Variants in CSMD1 observed in about 807,000 individuals in gnomAD.
CSMD1 encodes the protein CUB and Sushi multiple domains 1.
Under a neutral mutation model 417.5 loss-of-function variants are expected in CSMD1, and 213 were observed. That is an observed-to-expected ratio of 0.51 (90% CI 0.46 to 0.57). CSMD1 has a LOEUF of 0.57. Among genes scored for constraint, CSMD1 ranks in the 20% least tolerant of loss-of-function variants. The probability of loss-of-function intolerance (pLI) is 0.00; values close to 1 mark genes in which losing one functional copy is unlikely to be tolerated. For missense variants in CSMD1, 6,923 were observed against 4,529.7 expected, an observed-to-expected ratio of 1.53 and a Z score of -15.17; for synonymous variants, 2,862 against 1,736.8, an observed-to-expected ratio of 1.65 and a Z score of -16.11.
At chr8:3,659,402 G>A (rs890050864) in intron 7 of CSMD1, among the ~76,000 whole-genome samples, 7 of 152,124 alleles carry the variant, frequency 4.6e-5, no homozygotes, top group Admixed American at 3.9e-4. Context: ...ACAGGTAACG[G>A]GTCTCAGTGT....
intron 1 of CSMD1, among the ~76,000 whole-genome samples, chr8:4,705,642 G>A (rs1327849306): frequency 2.6e-5 from 4 of 152,158 alleles, no homozygotes; most frequent in South Asian, 2.1e-4. Flanking sequence ...CATGAACGAA[G>A]CTCTTCTTTC....
At chr8:4,342,738 C>T (rs1377181933) in intron 3 of CSMD1, among the ~76,000 whole-genome samples, 1 of 152,020 alleles carries the variant, frequency 6.6e-6, no homozygotes, top group Non-Finnish European at 1.5e-5. Flanking sequence ...CCGCAGTAGA[C>T]AGGCTTGCAG....
intron 2 of CSMD1, among the ~76,000 whole-genome samples, chr8:4,587,162 G>T (rs985996763): frequency 6.6e-6 from 1 of 152,082 alleles, no homozygotes; most frequent in Non-Finnish European, 1.5e-5. Flanking sequence ...CCCATCGTGA[G>T]CCAACCAGCT....
rs191890612 is a variant in CSMD1, at chr8:4,617,458, C to T, written c.302+19884G>A. On this transcript the variant is annotated intron_variant, in intron 2 of 69. Transcript: ENST00000635120. ...GACTGATATTTTGGTAAGGCAAATG[C>T]CTTGCCAGAAACAGAAAGGTAAACA... is the stretch of plus-strand genomic sequence containing the variant. Among the ~76,000 whole-genome samples, 25 of 152,196 alleles carry T rather than the reference C, an allele frequency of 1.6e-4. 1 individual carries two copies. In the East Asian group the frequency reaches 4.8e-3, roughly 29 times the overall value.
At chr8:4,319,065 T>G (rs973826979) in intron 3 of CSMD1, among the ~76,000 whole-genome samples, 3 of 152,202 alleles carry the variant, frequency 2.0e-5, no homozygotes, top group Non-Finnish European at 2.9e-5. Flanking sequence ...AAACATCTTT[T>G]ACTTCATTAG....
chr8:3,878,562 G>T (rs1011408756), intron 5 of CSMD1, among the ~76,000 whole-genome samples: 2 of 152,088 alleles, frequency 1.3e-5, no homozygotes, highest in African/African-American at 4.8e-5. Flanking sequence ...AGGAAGTATA[G>T]AAAAAATTGC....
At chr8:4,139,458 G>C (rs1007207694) in intron 3 of CSMD1, among the ~76,000 whole-genome samples, 1 of 144,450 alleles carries the variant, frequency 6.9e-6, no homozygotes, top group Non-Finnish European at 1.5e-5. Flanking sequence ...CTGCCCTGGA[G>C]GCGTGGACAG....
At position 4,678,578 on chromosome 8, in the gene CSMD1, A is replaced by G. The variant is rs140815437; in HGVS notation, c.86-41020T>C. Among the ~76,000 whole-genome samples, 462 of 152,344 alleles carry G rather than the reference A, an allele frequency of 3.0e-3. 2 individuals are homozygous for G. The highest frequency in any genetic ancestry group is 9.7e-3 in the African/African-American group (404 of 41,572). Reference sequence around the variant, plus strand: ...TTTGATGGAATCTAACATTATATTCAGAAATTAAGTGAAGAAATAAATTAC... The same window carrying G: ...TTTGATGGAATCTAACATTATATTCGGAAATTAAGTGAAGAAATAAATTAC... On this transcript the variant is annotated intron_variant, in intron 1 of 69. Transcript: ENST00000635120.
chr8:3,014,641 A>G (rs192259720), intron 52 of CSMD1, among the ~76,000 whole-genome samples: 10 of 152,286 alleles, frequency 6.6e-5, no homozygotes, highest in African/African-American at 2.4e-4. Context: ...TCTGATTTTA[A>G]AAACGTCCCG....
chr8:4,754,285 T>C (rs1425616594), intron 1 of CSMD1, among the ~76,000 whole-genome samples: 1 of 152,074 alleles, frequency 6.6e-6, no homozygotes. Flanking sequence ...TTGCCAGAAA[T>C]TGCACTGTTA....
chr8:4,933,876 G>A (rs1807421160), intron 1 of CSMD1, among the ~76,000 whole-genome samples: 1 of 152,166 alleles, frequency 6.6e-6, no homozygotes, highest in Admixed American at 6.5e-5. Context: ...TTGAGGCAGA[G>A]AAGCATCATT....
chr8:4,689,619 G>A (rs1473122093), intron 1 of CSMD1, among the ~76,000 whole-genome samples: 1 of 152,126 alleles, frequency 6.6e-6, no homozygotes, highest in East Asian at 1.9e-4. Context: ...TAGTTCAGAG[G>A]ACAGAAAAGG....
chr8:3,607,630 G>T (rs1801682494), intron 8 of CSMD1, among the ~76,000 whole-genome samples: 1 of 152,076 alleles, frequency 6.6e-6, no homozygotes. Flanking sequence ...AAATCTTAAG[G>T]GAAAACCATC....
intron 3 of CSMD1, among the ~76,000 whole-genome samples, chr8:4,321,426 T>C (rs545514402): frequency 2.0e-5 from 3 of 152,282 alleles, no homozygotes; most frequent in South Asian, 2.1e-4. Flanking sequence ...CTCCCACTTA[T>C]TGACTTGTGA....
At chr8:4,782,734 A>C (rs1035495101) in intron 1 of CSMD1, among the ~76,000 whole-genome samples, 1 of 152,162 alleles carries the variant, frequency 6.6e-6, no homozygotes, top group African/African-American at 2.4e-5. Flanking sequence ...AAAAAATGAA[A>C]ATACATGAAT....
At chr8:4,976,381 A>G (rs977145164) in intron 1 of CSMD1, among the ~76,000 whole-genome samples, 1 of 152,228 alleles carries the variant, frequency 6.6e-6, no homozygotes, top group South Asian at 2.1e-4. Flanking sequence ...CTATTTACAT[A>G]CTACATTAAA....
intron 1 of CSMD1, among the ~76,000 whole-genome samples, chr8:4,991,594 G>C (rs1049222065): frequency 6.6e-6 from 1 of 152,142 alleles, no homozygotes; most frequent in African/African-American, 2.4e-5. Flanking sequence ...GCGCCCTCCT[G>C]CCGGAGCGCT....
At chr8:4,647,323 C>A (rs1453666686) in intron 1 of CSMD1, among the ~76,000 whole-genome samples, 1 of 151,048 alleles carries the variant, frequency 6.6e-6, no homozygotes, top group Non-Finnish European at 1.5e-5. Flanking sequence ...TATACATGTG[C>A]CACGGCGGCC....
At chr8:3,405,435 G>C (rs1019158716) in intron 15 of CSMD1, among the ~76,000 whole-genome samples, 1 of 152,130 alleles carries the variant, frequency 6.6e-6, no homozygotes, top group South Asian at 2.1e-4. Context: ...TGGTATTTAT[G>C]TCGGCTGTAA....
Sources: gnomAD v4.1 joint callset for allele counts (sites outside exome capture counted in the v4.1 genomes callset) on GRCh38, gnomAD v4.1.1 for gene constraint, MANE v1.5 for transcripts, NCBI Gene and HGNC (gene_info 2026-07-23, HGNC 2026-07-21) for gene names.